Variants in DNAJC10 observed in about 807,000 individuals in gnomAD.
The protein encoded by DNAJC10 is endoplasmic reticulum disulfide reductase DNAJC10.
A neutral mutation model predicts 115.0 loss-of-function variants in DNAJC10; 101 were observed. That is an observed-to-expected ratio of 0.88 (90% CI 0.75 to 1.04). The LOEUF is 1.04. Among genes scored for constraint, DNAJC10 ranks in the 50% least tolerant of loss-of-function variants. The probability of loss-of-function intolerance (pLI) is 0.00; values close to 1 mark genes in which losing one functional copy is unlikely to be tolerated. For missense variants in DNAJC10, 981 were observed against 928.8 expected, an observed-to-expected ratio of 1.06 and a Z score of -0.73; for synonymous variants, 307 against 301.5, an observed-to-expected ratio of 1.02 and a Z score of -0.19.
chr2:182,732,430 G>A, intron 9 of DNAJC10, 69 bp from the exon 10 acceptor site: 2 of 1,468,258 alleles, frequency 1.4e-6, no homozygotes, highest in Non-Finnish European at 1.9e-6. Flanking sequence ...TTGGGGGAAA[G>A]GCAAATGCAA....
chr2:182,775,493 T>G, intron 23 of DNAJC10, 73 bp downstream of exon 23: 1 of 839,972 alleles, frequency 1.2e-6, no homozygotes, highest in Admixed American at 2.2e-5. Context: ...TCCTATACAT[T>G]ACATGCATCC....
In DNAJC10 at chr2:182,757,844, T is replaced by A; in HGVS notation, c.1943+19T>A. ...ATTATCAGTAAGTATTCTCTCATAT[T>A]TGAAGACATTTATTATAATTATTTA... On this transcript the variant is annotated intron_variant, in intron 19 of 23. Transcript: ENST00000264065. The A allele has an allele frequency of 7.6e-7, 1 of 1,319,204 alleles. No individual in the cohort carries two copies. 81.7% of individuals were successfully genotyped at this position (1,319,204 alleles called of 1,614,324 possible).
At chr2:182,748,812 T>C (rs1693941024) in intron 14 of DNAJC10, among the ~76,000 whole-genome samples, 1 of 152,192 alleles carries the variant, frequency 6.6e-6, no homozygotes, top group South Asian at 2.1e-4. Flanking sequence ...AATTTCCCTC[T>C]ACGCACTGCT....
At chr2:182,732,703 ATAAT>A (rs1411520934) in intron 10 of DNAJC10, 161 bp downstream of exon 10, 29 of 624,954 alleles carry the variant, frequency 4.6e-5, no homozygotes, top group Non-Finnish European at 7.3e-5. Flanking sequence ...TTTTTCCTGA[ATAAT>A]TAGTTACGTT....
chr2:182,752,181 G>A lies in DNAJC10; in HGVS notation c.1544G>A (p.Cys515Tyr). The A allele has an allele frequency of 6.7e-7, 1 of 1,498,022 alleles. No individual in the cohort carries two copies. The allele number at this position is 1,498,022 out of a possible 1,614,324, so 92.8% of individuals were successfully genotyped here. The change falls in exon 16 of 24, where the codon TGT becomes TAT. Residue 515 changes from cysteine (C) to tyrosine (Y), a missense_variant. Transcript: ENST00000264065. ...TLDCTVHEGL[C>Y]NMYNIQAYPT... ...GATTGTACAGTTCATGAGGGACTCTGTAACATGGTAAGGCAAAGTATCAAA... is the reference window on the plus strand; with the variant it reads ...GATTGTACAGTTCATGAGGGACTCTATAACATGGTAAGGCAAAGTATCAAA...
chr2:182,765,440 T>C (rs561226222), intron 22 of DNAJC10, among the ~76,000 whole-genome samples: 53 of 152,284 alleles, frequency 3.5e-4, no homozygotes, highest in Middle Eastern at 3.4e-3. Flanking sequence ...GTTCTTGAGC[T>C]GATCCCACTT....
intron 5 of DNAJC10, among the ~76,000 whole-genome samples, chr2:182,722,548 A>AAT (rs143284670): frequency 6.6e-6 from 1 of 151,422 alleles, no homozygotes; most frequent in East Asian, 1.9e-4. Context: ...TTTGTACAGT[A>AAT]ATAATAGGTT....
chr2:182,737,129 C>T (rs1461139531), intron 11 of DNAJC10, among the ~76,000 whole-genome samples: 2 of 152,086 alleles, frequency 1.3e-5, no homozygotes, highest in Non-Finnish European at 2.9e-5. Context: ...TAAAGCACCC[C>T]GTGGGATTCT....
At chr2:182,775,502 C>A in intron 23 of DNAJC10, 82 bp downstream of exon 23, 1 of 712,584 alleles carries the variant, frequency 1.4e-6, no homozygotes, top group Non-Finnish European at 2.4e-6. Context: ...TTACATGCAT[C>A]CAGAGACAAC....
chr2:182,769,439 CCAACAGTGT>C (rs760207859), intron 22 of DNAJC10, among the ~76,000 whole-genome samples: 49 of 152,212 alleles, frequency 3.2e-4, no homozygotes, highest in Non-Finnish European at 5.4e-4. Context: ...AACACTCCCA[CCAACAGTGT>C]AAAAGTGTTC....
intron 14 of DNAJC10, among the ~76,000 whole-genome samples, chr2:182,748,528 G>A: frequency 6.6e-6 from 1 of 152,108 alleles, no homozygotes; most frequent in East Asian, 1.9e-4. Context: ...AGAGGTGTTT[G>A]TAGTATTCTC....
chr2:182,727,571 G>A (rs572803675), intron 5 of DNAJC10, among the ~76,000 whole-genome samples: 2 of 152,256 alleles, frequency 1.3e-5, no homozygotes, highest in African/African-American at 4.8e-5. Context: ...TACACACTTT[G>A]CCTGTAATGT....
intron 11 of DNAJC10, among the ~76,000 whole-genome samples, chr2:182,736,957 C>T (rs1405752255): frequency 6.6e-6 from 1 of 152,140 alleles, no homozygotes; most frequent in Non-Finnish European, 1.5e-5. Flanking sequence ...GCCATGTTGG[C>T]CAGGCTGGTC....
rs1694870265 is a variant in DNAJC10, at chr2:182,782,420, T to C, written c.*5288T>C. 2 of 152,066 alleles carry C rather than the reference T, an allele frequency of 1.3e-5. No homozygotes were observed. The highest frequency in any genetic ancestry group is 4.8e-5 in the African/African-American group (2 of 41,420). The allele number at this position is 152,066 out of a possible 1,614,324, so 9.4% of individuals were successfully genotyped here. A position where few individuals can be genotyped will look rare whatever the true frequency, so the allele number is the denominator to read the frequency against. ...ATGGGCTCTTTTTTTTTTGGTTCCA[T>C]ATGAAATTTAAAGTAGTTTTTTCCA... On this transcript the variant is annotated 3_prime_UTR_variant, in exon 24 of 24. Coordinates refer to ENST00000264065, the MANE Select transcript of DNAJC10 (RefSeq NM_018981.4).
In DNAJC10 at chr2:182,754,999, T is replaced by G; in HGVS notation, c.1552-4T>G. 1 of 1,554,584 alleles carries G rather than the reference T, an allele frequency of 6.4e-7. No individual in the cohort carries two copies. Among genetic ancestry groups the G allele is most frequent in the Non-Finnish European group, 8.9e-7 (1 of 1,127,592 alleles). On this transcript the variant is annotated splice_region_variant and splice_polypyrimidine_tract_variant and intron_variant, in intron 16 of 23. Transcript: ENST00000264065. ...TCTTTAATTCATATTCTCCTTCCTA[T>G]CAGTATAACATTCAGGCTTATCCAA...
chr2:182,730,378 G>A (rs1329519854), intron 8 of DNAJC10, among the ~76,000 whole-genome samples: 2 of 152,140 alleles, frequency 1.3e-5, no homozygotes, highest in Non-Finnish European at 2.9e-5. Flanking sequence ...TGTGGCTCAA[G>A]ATGTTCATTT....
Position 182,786,689 on chromosome 2 carries a change from G to A in DNAJC10, c.*9557G>A, listed in dbSNP as rs1182227686. On this transcript the variant is annotated 3_prime_UTR_variant, in exon 24 of 24. Coordinates refer to ENST00000264065, the MANE Select transcript of DNAJC10 (RefSeq NM_018981.4). ...TCCTTCAAACCCCATTCTTGCCAAA[G>A]CCAAGTTCTCTCCCTCCCTCTCAAC... 2.0e-5 allele frequency: 3 copies of A among 152,234 alleles called. No individual in the cohort carries two copies. The highest frequency in any genetic ancestry group is 4.4e-5 in the Non-Finnish European group (3 of 68,104). 9.4% of individuals were successfully genotyped at this position (152,234 alleles called of 1,614,324 possible). A position where few individuals can be genotyped will look rare whatever the true frequency, so the allele number is the denominator to read the frequency against.
At chr2:182,722,934 C>A (rs541905099) in intron 5 of DNAJC10, among the ~76,000 whole-genome samples, 21 of 151,584 alleles carry the variant, frequency 1.4e-4, no homozygotes, top group Admixed American at 1.3e-3. Context: ...GCGTACCAGT[C>A]GCAAAAAATA....
chr2:182,755,127 T>A (rs1452770967), intron 17 of DNAJC10, 23 bp downstream of exon 17: 2 of 1,421,288 alleles, frequency 1.4e-6, no homozygotes, highest in South Asian at 1.1e-5. Flanking sequence ...ATAGACTATG[T>A]GACTAGAAAT....
Sources: gnomAD v4.1 joint callset for allele counts (sites outside exome capture counted in the v4.1 genomes callset) on GRCh38, gnomAD v4.1.1 for gene constraint, MANE v1.5 for transcripts, NCBI Gene and HGNC (gene_info 2026-07-23, HGNC 2026-07-21) for gene names.